SVEP1: variants seen among roughly 807,000 people sequenced by gnomAD.
SVEP1 encodes the protein sushi, von Willebrand factor type A, EGF and pentraxin domain containing 1.
A neutral mutation model predicts 367.3 loss-of-function variants in SVEP1; 164 were observed. The ratio of observed to expected loss-of-function variants is 0.45; its 90% CI spans 0.39 to 0.51. The LOEUF is 0.51. SVEP1 is among the 20% of genes least tolerant of loss of function. The pLI, the probability that SVEP1 is intolerant of heterozygous loss-of-function variation, is 0.00. For missense variants in SVEP1, 4,117 were observed against 4,425.3 expected (o/e 0.93, Z 1.98); for synonymous variants, 1,666 against 1,611.6 (o/e 1.03, Z -0.81).
rs1828902308 is a variant in SVEP1 at position 110,464,158 on chromosome 9, T to C, written c.3322+1707A>G. On this transcript the variant is annotated intron_variant, in intron 18 of 47. Coordinates refer to ENST00000374469, the MANE Select transcript of SVEP1 (RefSeq NM_153366.4). ...TTTCTGCCAAAATTATTTCTTATAT[T>C]GACAAAAGAGTCTCTAGCAGATCTA... is the stretch of plus-strand genomic sequence containing the variant. Among the ~76,000 whole-genome samples the C allele has an allele frequency of 2.0e-5, 3 of 152,196 alleles. No homozygotes were observed. The South Asian group carries it at 6.2e-4, about 32-fold the overall frequency.
intron 3 of SVEP1, among the ~76,000 whole-genome samples, chr9:110,532,419 T>C (rs552677358): frequency 6.6e-6 from 1 of 151,998 alleles, no homozygotes; most frequent in Non-Finnish European, 1.5e-5. Context: ...GAAGGACTAG[T>C]AAGAAATGAA....
intron 40 of SVEP1, among the ~76,000 whole-genome samples, chr9:110,400,106 G>A (rs1033088871): frequency 6.6e-6 from 1 of 152,176 alleles, no homozygotes; most frequent in Non-Finnish European, 1.5e-5. Flanking sequence ...TTTCAAGCCA[G>A]ATTTGCTTAT....
intron 36 of SVEP1, among the ~76,000 whole-genome samples, chr9:110,414,245 A>G (rs1370122559): frequency 2.0e-5 from 3 of 152,088 alleles, no homozygotes; most frequent in Non-Finnish European, 4.4e-5. Context: ...AGCATCAGCT[A>G]TTATAGAGAG....
At chr9:110,557,952 A>G (rs1461497088) in intron 1 of SVEP1, among the ~76,000 whole-genome samples, 1 of 152,178 alleles carries the variant, frequency 6.6e-6, no homozygotes, top group Non-Finnish European at 1.5e-5. Flanking sequence ...ATGGCTATTG[A>G]GCACTTGAAA....
intron 35 of SVEP1, among the ~76,000 whole-genome samples, chr9:110,428,429 C>CA (rs60798857): frequency 6.6e-6 from 1 of 151,110 alleles, no homozygotes; most frequent in African/African-American, 2.4e-5. Flanking sequence ...CACACACACA[C>CA]CATTAATCTC....
At chr9:110,387,228 G>A (rs79932775) in intron 42 of SVEP1, 57 bp downstream of exon 42, 107,616 of 1,491,396 alleles carry the variant, frequency 0.072, 4,167 homozygotes, top group Non-Finnish European at 0.077. Context: ...TTGGATATGC[G>A]GGAAGCTAAT....
intron 1 of SVEP1, among the ~76,000 whole-genome samples, chr9:110,568,054 GAAC>G (rs1006210049): frequency 2.0e-5 from 3 of 152,182 alleles, no homozygotes; most frequent in African/African-American, 4.8e-5. Flanking sequence ...GTGGAATTAA[GAAC>G]AACAACTGTT....
intron 13 of SVEP1, among the ~76,000 whole-genome samples, chr9:110,478,395 A>G (rs1369349851): frequency 6.6e-6 from 1 of 152,252 alleles, no homozygotes; most frequent in Non-Finnish European, 1.5e-5. Context: ...AGAATAGGAC[A>G]TACTTACTAA....
At chr9:110,505,353 G>C (rs1034249973) in intron 5 of SVEP1, among the ~76,000 whole-genome samples, 5 of 152,058 alleles carry the variant, frequency 3.3e-5, no homozygotes, top group African/African-American at 1.2e-4. Flanking sequence ...AAAGTCCAAG[G>C]CTCTATAGTT....
Position 110,468,961 on chromosome 9 carries a change from T to C in SVEP1, c.3139A>G (p.Arg1047Gly). The C allele has an allele frequency of 6.2e-7, 1 of 1,601,910 alleles. No individual in the cohort carries two copies. Among genetic ancestry groups the C allele is most frequent in the Non-Finnish European group, 8.5e-7 (1 of 1,173,140 alleles). ...CTACCTTTACAATCAGAGATGTTTC[T>C]TGAATGGATATATTCCGTGTACATC... The part of the protein sequence containing the change: ...SGMYTEYIHS[R>G]NISDCKAQCK... The change falls in exon 17 of 48, where the codon AGA becomes GGA. Residue 1047 changes from arginine to glycine, a missense_variant. Coordinates refer to ENST00000374469, the MANE Select transcript of SVEP1 (RefSeq NM_153366.4).
chr9:110,444,657 G>A (rs1326916248), intron 26 of SVEP1, among the ~76,000 whole-genome samples: 1 of 152,076 alleles, frequency 6.6e-6, no homozygotes, highest in Non-Finnish European at 1.5e-5. Context: ...ATCAAATGGA[G>A]AAAAAGAAAC....
chr9:110,518,566 T>G (rs531229075), intron 3 of SVEP1, among the ~76,000 whole-genome samples: 1 of 152,268 alleles, frequency 6.6e-6, no homozygotes, highest in East Asian at 1.9e-4. Flanking sequence ...GCCTCCCAAA[T>G]AGCTAGGACA....
At chr9:110,413,060 T>C (rs1828067126) in intron 36 of SVEP1, among the ~76,000 whole-genome samples, 1 of 151,164 alleles carries the variant, frequency 6.6e-6, no homozygotes, top group South Asian at 2.1e-4. Flanking sequence ...CAAAGGACTA[T>C]AAATCATGCT....
At chr9:110,435,092 A>G in intron 29 of SVEP1, 149 bp downstream of exon 29, 2 of 816,612 alleles carry the variant, frequency 2.4e-6, no homozygotes, top group Non-Finnish European at 3.4e-6. Flanking sequence ...TTGGATGAAA[A>G]TAGGGTAAAT....
chr9:110,571,494 A>G (rs1241629647), intron 1 of SVEP1, among the ~76,000 whole-genome samples: 1 of 152,190 alleles, frequency 6.6e-6, no homozygotes, highest in Non-Finnish European at 1.5e-5. Flanking sequence ...CCATGAGGTG[A>G]CCTGAAGATG....
At chr9:110,430,646 T>C (rs950945491) in intron 32 of SVEP1, among the ~76,000 whole-genome samples, 196 bp from the exon 33 acceptor site, 1 of 152,192 alleles carries the variant, frequency 6.6e-6, no homozygotes, top group Non-Finnish European at 1.5e-5. Context: ...ATTTAAGCAA[T>C]AATAGTTTGA....
At chr9:110,525,893 C>T (rs2118802245) in intron 3 of SVEP1, among the ~76,000 whole-genome samples, 1 of 152,188 alleles carries the variant, frequency 6.6e-6, no homozygotes, top group Non-Finnish European at 1.5e-5. Flanking sequence ...CTGTCATCTA[C>T]ACCTGGCTGA....
At chr9:110,530,002 T>C (rs993153068) in intron 3 of SVEP1, among the ~76,000 whole-genome samples, 3 of 76,310 alleles carry the variant, frequency 3.9e-5, no homozygotes, top group Non-Finnish European at 8.3e-5. Context: ...TTATCACATA[T>C]GGCTTTTATA....
In SVEP1 at chr9:110,491,073, A is replaced by G. The variant is rs1415669077; in HGVS notation, c.1801-1294T>C. Among the ~76,000 whole-genome samples the G allele has an allele frequency of 4.6e-5, 7 of 152,060 alleles. No homozygotes were observed. The East Asian group carries it at 1.3e-3, about 29-fold the overall frequency. ...TTTCTGTGTGGTATGATTTGAGAGT[A>G]TAACTTTACATCTTAAAAATCACTC... On this transcript the variant is annotated intron_variant, in intron 8 of 47. Transcript: ENST00000374469.
Sources: allele counts gnomAD v4.1 joint callset (sites outside exome capture counted in the v4.1 genomes callset), GRCh38; gene constraint gnomAD v4.1.1; transcripts MANE v1.5; gene names NCBI Gene and HGNC (gene_info 2026-07-23, HGNC 2026-07-21).